Variants in LPCAT1 observed in about 807,000 individuals in gnomAD.
LPCAT1 encodes lysophosphatidylcholine acyltransferase 1, also known as 1-acylglycerol-3-phosphate O-acyltransferase.
LPCAT1 carries 23 observed loss-of-function variants against 60.9 expected under a neutral mutation model. The ratio of observed to expected loss-of-function variants is 0.38; its 90% CI spans 0.27 to 0.53. LPCAT1 has a LOEUF of 0.53. LPCAT1 is among the 20% of genes least tolerant of loss of function. LPCAT1 has a pLI of 0.82. For synonymous variants in LPCAT1, 340 were observed against 301.1 expected, an observed-to-expected ratio of 1.13 and a Z score of -1.34; for missense variants, 622 against 723.6, an observed-to-expected ratio of 0.86 and a Z score of 1.61.
intron 4 of LPCAT1, among the ~76,000 whole-genome samples, chr5:1,488,664 A>G (rs1263407615): frequency 6.6e-6 from 1 of 152,270 alleles, no homozygotes; most frequent in African/African-American, 2.4e-5. Flanking sequence ...AGCAGTATCA[A>G]CACATAAACA....
rs549012140 is a variant in LPCAT1 at position 1,513,128 on chromosome 5, G to A, written c.135+10582C>T. ...CCCCAGTTCCTGCTTCAAGATGACC[G>A]ATGGCAGGCAGGTGCCGGAGCCGCT... is the stretch of plus-strand genomic sequence containing the variant. On this transcript the variant is annotated intron_variant, in intron 1 of 13. Coordinates refer to ENST00000283415, the MANE Select transcript of LPCAT1 (RefSeq NM_024830.5). 5.3e-5 allele frequency among the ~76,000 whole-genome samples: 8 copies of A among 152,312 alleles called. No individual in the cohort carries two copies. The South Asian group carries it at 1.0e-3, about 20-fold the overall frequency.
At position 1,470,944 on chromosome 5, in the gene LPCAT1, C is replaced by A; in HGVS notation, c.1180-20G>T. On this transcript the variant is annotated intron_variant, in intron 11 of 13. Transcript: ENST00000283415. ...GCCGCTCTGTGGGGAGAGACGCTCTCAGCCACAGCTCGGCCGCCTTCGGCA... is the reference window on the plus strand; with the variant it reads ...GCCGCTCTGTGGGGAGAGACGCTCTAAGCCACAGCTCGGCCGCCTTCGGCA... 1 of 1,606,776 alleles carries A rather than the reference C, an allele frequency of 6.2e-7. No individual in the cohort carries two copies. Among genetic ancestry groups the A allele is most frequent in the Non-Finnish European group, 8.5e-7 (1 of 1,175,970 alleles).
chr5:1,504,618 G>C (rs1560987573), intron 1 of LPCAT1, among the ~76,000 whole-genome samples: 1 of 151,684 alleles, frequency 6.6e-6, no homozygotes, highest in Non-Finnish European at 1.5e-5. Flanking sequence ...GGAGGCTGAG[G>C]CAGGAGAATC....
chr5:1,507,948 CAAG>C (rs986904821), intron 1 of LPCAT1, among the ~76,000 whole-genome samples: 1 of 152,176 alleles, frequency 6.6e-6, no homozygotes, highest in African/African-American at 2.4e-5. Context: ...TTGCAGCAAA[CAAG>C]GAGGAGCTGG....
chr5:1,495,071 A>C lies in LPCAT1; in HGVS notation c.279-157T>G. On this transcript the variant is annotated intron_variant, in intron 2 of 13. Transcript: ENST00000283415. This position sits in a 1 kb window ranked among gnomAD's most constrained non-coding sequence, Gnocchi z 4.7. ...GCTGGGACATCTGCTTGAGGGAAGA[A>C]AAGACGCCGCGCCTTCCTGGCCTCC... is the stretch of plus-strand genomic sequence containing the variant. 4.4e-6 allele frequency: 3 copies of C among 681,386 alleles called. No individual in the cohort carries two copies. In the East Asian group the frequency reaches 8.3e-5, roughly 19 times the overall value. The allele number at this position is 681,386 out of a possible 1,614,324, so 42.2% of individuals were successfully genotyped here.
intron 3 of LPCAT1, among the ~76,000 whole-genome samples, chr5:1,490,574 C>T (rs190756825): frequency 2.8e-4 from 42 of 152,314 alleles, no homozygotes; most frequent in African/African-American, 7.7e-4. Context: ...TGCTTTTAGA[C>T]GGCGGGAGAA....
intron 3 of LPCAT1, among the ~76,000 whole-genome samples, chr5:1,490,818 A>G (rs1735549602): frequency 6.6e-6 from 1 of 152,292 alleles, no homozygotes; most frequent in Non-Finnish European, 1.5e-5. Context: ...CTTTAAAATG[A>G]AACTATCCCT....
intron 1 of LPCAT1, among the ~76,000 whole-genome samples, chr5:1,504,496 C>T (rs1007963453): frequency 3.3e-5 from 5 of 152,180 alleles, no homozygotes; most frequent in African/African-American, 9.6e-5. Context: ...GTGGGAGGAT[C>T]GCCTGCGGTC....
chr5:1,486,975 T>A (rs1342057956), intron 5 of LPCAT1, among the ~76,000 whole-genome samples: 4 of 152,168 alleles, frequency 2.6e-5, no homozygotes, highest in African/African-American at 9.7e-5. Flanking sequence ...TCCCCTCAGT[T>A]TCGTGATATG....
chr5:1,507,380 G>A (rs1736219407), intron 1 of LPCAT1, among the ~76,000 whole-genome samples: 1 of 152,246 alleles, frequency 6.6e-6, no homozygotes, highest in Non-Finnish European at 1.5e-5. Context: ...GAGGAACTTT[G>A]TCTGAAGTCT....
intron 1 of LPCAT1, among the ~76,000 whole-genome samples, chr5:1,520,046 G>A (rs1183595997): frequency 2.6e-5 from 4 of 152,230 alleles, no homozygotes; most frequent in Non-Finnish European, 5.9e-5. Context: ...CAGCACCCAG[G>A]GACCCAGTGG....
In LPCAT1 at chr5:1,502,343, A is replaced by C. The variant is rs545792112; in HGVS notation, c.136-740T>G. On this transcript the variant is annotated intron_variant, in intron 1 of 13. Transcript: ENST00000283415. The surrounding 1 kb of genome is among the most constrained non-coding windows in gnomAD (Gnocchi z 5.5). ...CGTTTATGTGGACATGAGAAAGCATACGCCACCCTAGGCAGTGTTGGTGAC... is the reference window on the plus strand; with the variant it reads ...CGTTTATGTGGACATGAGAAAGCATCCGCCACCCTAGGCAGTGTTGGTGAC... Among the ~76,000 whole-genome samples, 1 of 152,266 alleles carries C rather than the reference A, an allele frequency of 6.6e-6. No individual in the cohort carries two copies. The highest frequency in any genetic ancestry group is 1.9e-4 in the East Asian group (1 of 5,180).
Position 1,473,948 on chromosome 5 carries a change from A to G in LPCAT1, c.1179+9T>C. 1.2e-6 allele frequency: 2 copies of G among 1,612,594 alleles called. No individual in the cohort carries two copies. The highest frequency in any genetic ancestry group is 1.7e-6 in the Non-Finnish European group (2 of 1,179,030). ...GCCGACACCCCGCTCCGCAGGCGACAGGCCCTACCTCGTCGAACAGTGAAA... is the reference window on the plus strand; with the variant it reads ...GCCGACACCCCGCTCCGCAGGCGACGGGCCCTACCTCGTCGAACAGTGAAA... On this transcript the variant is annotated intron_variant, in intron 11 of 13. Transcript: ENST00000283415.
At chr5:1,488,625 C>T (rs1258159169) in intron 4 of LPCAT1, among the ~76,000 whole-genome samples, 174 bp from the exon 5 acceptor site, 1 of 152,242 alleles carries the variant, frequency 6.6e-6, no homozygotes, top group African/African-American at 2.4e-5. Flanking sequence ...ACACTGATTT[C>T]CGCTCTGCTG....
chr5:1,485,855 C>T (rs1735352647), intron 5 of LPCAT1, among the ~76,000 whole-genome samples: 1 of 152,228 alleles, frequency 6.6e-6, no homozygotes, highest in African/African-American at 2.4e-5. Context: ...ACAGCCCGTG[C>T]AGGGAGGCCA....
In LPCAT1 at chr5:1,489,841, G is replaced by A. The variant is rs777562656; in HGVS notation, c.511C>T (p.Arg171Trp). ...PIWGTLIQYI[R>W]PVFVSRSDQD... ...TCTGACCGGGACACGAACACAGGCC[G>A]TATATACTGGATCAGAGCTGGAAGA... Residue 171 changes from arginine to tryptophan, a missense_variant, in exon 4 of 14, where the codon CGG becomes TGG. Arg to Trp is a moderately radical substitution (Grantham distance 101). Coordinates refer to ENST00000283415, the MANE Select transcript of LPCAT1 (RefSeq NM_024830.5). 3.7e-6 allele frequency: 6 copies of A among 1,611,964 alleles called. No individual in the cohort carries two copies. The highest frequency in any genetic ancestry group is 1.3e-5 in the African/African-American group (1 of 74,888).
chr5:1,523,080 C>T lies in LPCAT1; in HGVS notation c.135+630G>A, dbSNP rs978560343. On this transcript the variant is annotated intron_variant, in intron 1 of 13. Transcript: ENST00000283415. This position sits in a 1 kb window ranked among gnomAD's most constrained non-coding sequence, Gnocchi z 7.1. ...TACAACAGGAGCGAAGCATGCACCC[C>T]AGAAGGCAACGTGCGGCCGCAGAGC... Among the ~76,000 whole-genome samples the T allele has an allele frequency of 2.6e-5, 4 of 152,250 alleles. No individual in the cohort carries two copies.
chr5:1,465,072 C>G (rs920396860), intron 13 of LPCAT1, among the ~76,000 whole-genome samples: 3 of 121,896 alleles, frequency 2.5e-5, no homozygotes, highest in Non-Finnish European at 5.3e-5. Flanking sequence ...CACGCACACA[C>G]ACGGTAACAC....
chr5:1,472,864 G>A (rs1734740747), intron 11 of LPCAT1, among the ~76,000 whole-genome samples: 1 of 152,264 alleles, frequency 6.6e-6, no homozygotes, highest in South Asian at 2.1e-4. Context: ...GTAGCAGAGG[G>A]CCCGTGGCTG....
Sources: gnomAD v4.1 joint callset for allele counts (sites outside exome capture counted in the v4.1 genomes callset) on GRCh38, gnomAD v4.1.1 for gene constraint, Gnocchi (gnomAD v3.1) non-coding constraint, MANE v1.5 for transcripts, NCBI Gene and HGNC (gene_info 2026-07-23, HGNC 2026-07-21) for gene names.